Variants in NMNAT2 observed in about 807,000 individuals in gnomAD.
NMNAT2 encodes the protein nicotinamide nucleotide adenylyltransferase 2.
In NMNAT2, 11 loss-of-function variants were observed where a neutral mutation model predicts 41.6. The ratio of observed to expected loss-of-function variants is 0.26; its 90% CI spans 0.17 to 0.44. NMNAT2 has a LOEUF of 0.44. Ranked by LOEUF, NMNAT2 falls within the 20% of genes least tolerant of loss-of-function variation. The pLI, the probability that NMNAT2 is intolerant of heterozygous loss-of-function variation, is 1.00. For synonymous variants in NMNAT2, 148 were observed against 151.2 expected (o/e 0.98, Z 0.16); for missense variants, 288 against 407.7 (o/e 0.71, Z 2.53).
chr1:183,414,891 T>A (rs1470953686), intron 1 of NMNAT2, among the ~76,000 whole-genome samples: 1 of 152,206 alleles, frequency 6.6e-6, no homozygotes, highest in Non-Finnish European at 1.5e-5. Context: ...ATATAGGAGC[T>A]CTATTTAAAA....
At chr1:183,417,590 G>A (rs1432214782) in intron 1 of NMNAT2, among the ~76,000 whole-genome samples, 1 of 152,046 alleles carries the variant, frequency 6.6e-6, no homozygotes, top group Non-Finnish European at 1.5e-5. Context: ...CATCCACCTC[G>A]CGCGGGCAAT....
intron 1 of NMNAT2, among the ~76,000 whole-genome samples, chr1:183,317,753 G>A (rs1453153472): frequency 6.6e-6 from 1 of 152,176 alleles, no homozygotes; most frequent in Non-Finnish European, 1.5e-5. Flanking sequence ...GCTGGAAGTG[G>A]ATTCATGAAC....
rs1661995136 is a variant in NMNAT2, at chr1:183,306,446, G to A, written c.86-12653C>T. Among the ~76,000 whole-genome samples the A allele has an allele frequency of 1.3e-5, 2 of 152,120 alleles. 1 individual carries two copies. The highest frequency in any genetic ancestry group is 4.1e-4 in the South Asian group (2 of 4,826). On this transcript the variant is annotated intron_variant, in intron 1 of 10. Coordinates refer to ENST00000287713, the MANE Select transcript of NMNAT2 (RefSeq NM_015039.4). ...AATACGTTTCCAGTAATTTATTACA[G>A]CAGCAATAGGAAGTGAATACAGTTG...
At chr1:183,284,907 G>A in intron 5 of NMNAT2, 117 bp from the exon 6 acceptor site, 1 of 783,040 alleles carries the variant, frequency 1.3e-6, no homozygotes, top group Non-Finnish European at 2.3e-6. Context: ...GACGGGGCAG[G>A]AGTGGGGAGC....
chr1:183,262,242 T>C (rs1660677822), intron 8 of NMNAT2, among the ~76,000 whole-genome samples: 1 of 152,106 alleles, frequency 6.6e-6, no homozygotes, highest in South Asian at 2.1e-4. Flanking sequence ...AAACCTTCTT[T>C]TCGTTTAAAA....
At chr1:183,282,454 G>A (rs1661295438) in intron 7 of NMNAT2, among the ~76,000 whole-genome samples, 1 of 152,250 alleles carries the variant, frequency 6.6e-6, no homozygotes, top group African/African-American at 2.4e-5. Flanking sequence ...CTTGAGTCAG[G>A]ATGAGGAGTG....
At chr1:183,284,111 G>T in intron 6 of NMNAT2, 72 bp from the exon 7 acceptor site, 1 of 1,386,240 alleles carries the variant, frequency 7.2e-7, no homozygotes. Flanking sequence ...GTCTGCCTGA[G>T]GGCCTCAGCA....
chr1:183,326,981 T>C (rs1217263974), intron 1 of NMNAT2, among the ~76,000 whole-genome samples: 1 of 151,912 alleles, frequency 6.6e-6, no homozygotes, highest in African/African-American at 2.4e-5. Context: ...AGAGTGGACA[T>C]AGCTATCCCC....
At chr1:183,269,371 C>T (rs985442105) in intron 8 of NMNAT2, among the ~76,000 whole-genome samples, 1 of 152,208 alleles carries the variant, frequency 6.6e-6, no homozygotes, top group Admixed American at 6.5e-5. Flanking sequence ...GTATTTTAAA[C>T]ACAGGACTTG....
At chr1:183,289,758 T>C (rs959397109) in intron 4 of NMNAT2, among the ~76,000 whole-genome samples, 5 of 152,292 alleles carry the variant, frequency 3.3e-5, no homozygotes, top group Admixed American at 6.5e-5. Flanking sequence ...CTCCTGCCTT[T>C]CATTGTCCAG....
chr1:183,278,732 T>C, intron 7 of NMNAT2, 103 bp from the exon 8 acceptor site: 1 of 792,418 alleles, frequency 1.3e-6, no homozygotes, highest in Admixed American at 2.0e-5. Flanking sequence ...CTCCCACCTT[T>C]GGGGATGTGG....
intron 1 of NMNAT2, chr1:183,304,890 A>G: frequency 6.8e-7 from 1 of 1,478,638 alleles, no homozygotes; most frequent in Non-Finnish European, 9.0e-7. Context: ...TTGTCCTTAC[A>G]GCCAGGAAAT....
At chr1:183,406,574 T>C (rs1179567367) in intron 1 of NMNAT2, among the ~76,000 whole-genome samples, 2 of 152,204 alleles carry the variant, frequency 1.3e-5, no homozygotes, top group East Asian at 3.8e-4. Flanking sequence ...GTAAAGATGT[T>C]TTAAAAGGGA....
At position 183,293,716 on chromosome 1, in the gene NMNAT2, A is replaced by T; in HGVS notation, c.163T>A (p.Tyr55Asn). 1.2e-6 allele frequency: 2 copies of T among 1,613,368 alleles called. No homozygotes were observed. The highest frequency in any genetic ancestry group is 1.7e-6 in the Non-Finnish European group (2 of 1,179,256). ...GGIVSPVHDS[Y>N]GKQGLVSSRH... ...AGGAAGGAACCCACCTGTTTTCCAT[A>T]GGAGTCGTGGACAGGGGAGACAATC... is the stretch of plus-strand genomic sequence containing the variant. Residue 55 changes from tyrosine (Y) to asparagine (N), a missense_variant, in exon 2 of 11, where the codon TAT becomes AAT. Physicochemically the swap from Tyr to Asn is moderately radical, Grantham distance 143. Transcript: ENST00000287713.
At chr1:183,288,424 AGG>A (rs1205864567) in intron 4 of NMNAT2, among the ~76,000 whole-genome samples, 1 of 152,168 alleles carries the variant, frequency 6.6e-6, no homozygotes, top group Non-Finnish European at 1.5e-5. Context: ...GCTCCAAGAC[AGG>A]GGGGCCGGCA....
At chr1:183,318,290 T>C (rs1427261026) in intron 1 of NMNAT2, among the ~76,000 whole-genome samples, 1 of 152,148 alleles carries the variant, frequency 6.6e-6, no homozygotes, top group East Asian at 1.9e-4. Flanking sequence ...CAGCCTGAAG[T>C]CCTCTTGCCT....
chr1:183,286,881 G>A, intron 4 of NMNAT2, 93 bp from the exon 5 acceptor site: 2 of 1,381,122 alleles, frequency 1.4e-6, no homozygotes, highest in Non-Finnish European at 2.0e-6. Context: ...CCATCATGGA[G>A]AGGCCACCCA....
chr1:183,271,623 A>G (rs1365778162), intron 8 of NMNAT2, among the ~76,000 whole-genome samples: 6 of 152,244 alleles, frequency 3.9e-5, no homozygotes, highest in African/African-American at 7.2e-5. Context: ...AAGAAATATT[A>G]TAATGAAAAG....
intron 1 of NMNAT2, among the ~76,000 whole-genome samples, chr1:183,309,615 AT>A (rs1383605691): frequency 6.6e-6 from 1 of 152,202 alleles, no homozygotes; most frequent in Non-Finnish European, 1.5e-5. Flanking sequence ...CATTACACAG[AT>A]TGTTTTGTTA....
Sources: gnomAD v4.1 joint callset for allele counts (sites outside exome capture counted in the v4.1 genomes callset) on GRCh38, gnomAD v4.1.1 for gene constraint, MANE v1.5 for transcripts, NCBI Gene and HGNC (gene_info 2026-07-23, HGNC 2026-07-21) for gene names.